RFXANK: variants seen among roughly 807,000 people sequenced by gnomAD.
RFXANK encodes DNA-binding protein RFXANK.
In RFXANK, 19 loss-of-function variants were observed where a neutral mutation model predicts 34.5. That is an observed-to-expected ratio of 0.55 (90% CI 0.38 to 0.81). RFXANK has a LOEUF of 0.81. Ranked by LOEUF, RFXANK falls within the 30% of genes least tolerant of loss-of-function variation. RFXANK has a pLI of 0.00. For missense variants in RFXANK, 295 were observed against 343.5 expected (o/e 0.86, Z 1.12); for synonymous variants, 154 against 149.8 (o/e 1.03, Z -0.20).
intron 5 of RFXANK, 133 bp from the exon 6 acceptor site, chr19:19,197,388 T>G: frequency 1.7e-6 from 2 of 1,206,196 alleles, no homozygotes; most frequent in Non-Finnish European, 2.4e-6. Flanking sequence ...ACCGTGTTCA[T>G]GTATGTCCAT....
intron 2 of RFXANK, among the ~76,000 whole-genome samples, chr19:19,193,560 C>A (rs1196257008): frequency 6.6e-6 from 1 of 151,878 alleles, no homozygotes; most frequent in African/African-American, 2.4e-5. Context: ...GGATCACAGG[C>A]GCCCGCCACC....
intron 3 of RFXANK, among the ~76,000 whole-genome samples, chr19:19,195,639 G>A (rs925450596): frequency 2.0e-5 from 3 of 151,682 alleles, no homozygotes; most frequent in Non-Finnish European, 4.4e-5. Flanking sequence ...TAAGATCTCG[G>A]TGGTGTCACC....
chr19:19,197,432 C>T, intron 5 of RFXANK, 89 bp from the exon 6 acceptor site: 1 of 1,394,798 alleles, frequency 7.2e-7, no homozygotes, highest in Non-Finnish European at 1.0e-6. Flanking sequence ...CCTGTCTAAC[C>T]CCAGCCCCCC....
Position 19,199,212 on chromosome 19 carries a change from C to T in RFXANK, c.690C>T (p.Ala230=), listed in dbSNP as rs751945050. The T allele has an allele frequency of 1.7e-5, 27 of 1,613,882 alleles. No individual in the cohort carries two copies. The highest frequency in any genetic ancestry group is 1.6e-4 in the South Asian group (15 of 91,068). Reference sequence around the variant, plus strand: ...CTGGCTACACCCCGATGGACCTTGCCGTGGCCCTGGGATACCGGAAAGGTC... The same window carrying T: ...CTGGCTACACCCCGATGGACCTTGCTGTGGCCCTGGGATACCGGAAAGGTC... ...ADSGYTPMDL[A]VALGYRKVQQ... The change falls in exon 9 of 10, where the codon GCC becomes GCT. Residue 230 remains alanine, a synonymous_variant. Transcript: ENST00000303088.
chr19:19,198,804 C>G lies in RFXANK; in HGVS notation c.631+81C>G, dbSNP rs1414298901. 8 of 1,391,682 alleles carry G rather than the reference C, an allele frequency of 5.7e-6. No homozygotes were observed. In the East Asian group the frequency reaches 1.4e-4, roughly 24 times the overall value. The allele number at this position is 1,391,682 out of a possible 1,614,324, so 86.2% of individuals were successfully genotyped here. A position where few individuals can be genotyped will look rare whatever the true frequency, so the allele number is the denominator to read the frequency against. On this transcript the variant is annotated intron_variant, in intron 8 of 9. Transcript: ENST00000303088. The stretch of plus-strand genomic sequence containing the variant: ...GGAATCCTGAGGGCAGGGAGACGCC[C>G]AAGTGTTGCTTGAAGAGTTCTTGGA...
At chr19:19,198,366 ACAGAGCAGAGCTCCCCATGCAGGGAAGG>A in intron 7 of RFXANK, 134 bp downstream of exon 7, 1 of 1,385,320 alleles carries the variant, frequency 7.2e-7, no homozygotes, top group Admixed American at 2.0e-5. Flanking sequence ...TCCCAGCCTC[ACAGAGCAGAGCTCCCCATGCAGGGAAGG>A]CAGACATGGA....
intron 3 of RFXANK, 62 bp from the exon 4 acceptor site, chr19:19,196,901 C>G (rs1599780491): frequency 2.8e-6 from 4 of 1,442,016 alleles, no homozygotes; most frequent in Admixed American, 3.3e-5. Flanking sequence ...AGATGGGCTT[C>G]TGTCCTGAAG....
chr19:19,192,849 T>G (rs2060510789), intron 1 of RFXANK, 111 bp from the exon 2 acceptor site: 1 of 152,344 alleles, frequency 6.6e-6, no homozygotes, highest in Non-Finnish European at 1.5e-5. Flanking sequence ...GAGGCAGCAC[T>G]TACTGCCCGG....
At chr19:19,196,713 A>T (rs2060605084) in intron 3 of RFXANK, among the ~76,000 whole-genome samples, 1 of 151,914 alleles carries the variant, frequency 6.6e-6, no homozygotes, top group African/African-American at 2.4e-5. Flanking sequence ...TAAAATACAA[A>T]AATTAGCCAG....
chr19:19,197,497 G>A, intron 5 of RFXANK, 24 bp from the exon 6 acceptor site: 1 of 1,610,256 alleles, frequency 6.2e-7, no homozygotes, highest in East Asian at 2.2e-5. Flanking sequence ...CAGCCTGGTG[G>A]TATTGCCCGC....
At chr19:19,197,301 GCATATGGGTGTC>G in intron 5 of RFXANK, 50 bp downstream of exon 5, 1 of 1,580,798 alleles carries the variant, frequency 6.3e-7, no homozygotes, top group South Asian at 1.1e-5. Flanking sequence ...GCTGGTGTGT[GCATATGGGTGTC>G]CATACCCACT....
At chr19:19,197,414 C>T in intron 5 of RFXANK, 107 bp from the exon 6 acceptor site, 8 of 1,265,372 alleles carry the variant, frequency 6.3e-6, no homozygotes, top group Admixed American at 1.9e-5. Flanking sequence ...TACGCTCCCC[C>T]TCATTCCCCT....
At chr19:19,193,906 T>C (rs1260417877) in intron 2 of RFXANK, 33 bp from the exon 3 acceptor site, 1 of 1,608,488 alleles carries the variant, frequency 6.2e-7, no homozygotes, top group Non-Finnish European at 8.5e-7. Context: ...TTGATAATTA[T>C]TGTCATCTCT....
rs200486698 is a variant in RFXANK, at chr19:19,196,944, C to G, written c.188-19C>G. On this transcript the variant is annotated intron_variant, in intron 3 of 9. Coordinates refer to ENST00000303088, the MANE Select transcript of RFXANK (RefSeq NM_003721.4). ...GACATCTACTGAGGGGAAACTGACG[C>G]CTGTTGTCTGTTTCCCAGCAGGCAG... 4.0e-5 allele frequency: 64 copies of G among 1,605,508 alleles called. No homozygotes were observed. The highest frequency in any genetic ancestry group is 5.3e-5 in the Non-Finnish European group (62 of 1,176,472).
At chr19:19,197,276 G>C in intron 5 of RFXANK, 25 bp downstream of exon 5, 1 of 1,609,962 alleles carries the variant, frequency 6.2e-7, no homozygotes, top group Non-Finnish European at 8.5e-7. Context: ...ACATGTGCTG[G>C]CATGTCTGCA....
At chr19:19,195,285 T>C (rs2060580032) in intron 3 of RFXANK, among the ~76,000 whole-genome samples, 1 of 136,838 alleles carries the variant, frequency 7.3e-6, no homozygotes, top group Admixed American at 7.3e-5. Context: ...CTCCCCTCCT[T>C]TCCCCTCTCC....
chr19:19,201,790 GACTT>G lies in RFXANK; in HGVS notation c.*72_*75del. 6.2e-7 allele frequency: 1 copy of G among 1,613,162 alleles called. No homozygotes were observed. Among genetic ancestry groups the G allele is most frequent in the Non-Finnish European group, 8.5e-7 (1 of 1,179,746 alleles). On this transcript the variant is annotated 3_prime_UTR_variant, in exon 10 of 10. Transcript: ENST00000303088. ...GCCAGAGCTGGGGAAACCCAGAACT[GACTT>G]CAAAGGCAGCTTCTGGACAGGTGGT... is the stretch of plus-strand genomic sequence containing the variant.
rs549760702 is a variant in RFXANK, at chr19:19,198,067, C to A, written c.439-40C>A. On this transcript the variant is annotated intron_variant, in intron 6 of 9. Coordinates refer to ENST00000303088, the MANE Select transcript of RFXANK (RefSeq NM_003721.4). The stretch of plus-strand genomic sequence containing the variant: ...GGGTACCCCAGGATTCCTGGTTATG[C>A]CCCAATCCATCCTACCACTGTCCCT... 6 of 1,612,018 alleles carry A rather than the reference C, an allele frequency of 3.7e-6. 1 individual carries two copies. In the South Asian group the frequency reaches 6.6e-5, roughly 18 times the overall value.
At chr19:19,198,579 G>A in intron 7 of RFXANK, 78 bp from the exon 8 acceptor site, 4 of 1,527,666 alleles carry the variant, frequency 2.6e-6, no homozygotes, top group East Asian at 2.3e-5. Flanking sequence ...ACGTTCAACT[G>A]GAGGCCAGAG....
Sources: allele counts gnomAD v4.1 joint callset (sites outside exome capture counted in the v4.1 genomes callset), GRCh38; gene constraint gnomAD v4.1.1; transcripts MANE v1.5; gene names NCBI Gene and HGNC (gene_info 2026-07-23, HGNC 2026-07-21).